Variants in USP49 observed in about 807,000 individuals in gnomAD.
USP49 encodes ubiquitin carboxyl-terminal hydrolase 49.
USP49 carries 24 observed loss-of-function variants against 58.6 expected under a neutral mutation model. The observed-to-expected ratio is 0.41, with a 90% CI of 0.30 to 0.58. USP49 has a LOEUF of 0.58. Ranked by LOEUF, USP49 falls within the 20% of genes least tolerant of loss-of-function variation. USP49 has a pLI of 0.30. For synonymous variants in USP49, 408 were observed against 365.1 expected (o/e 1.12, Z -1.34); for missense variants, 703 against 866.1 (o/e 0.81, Z 2.36).
At chr6:41,804,282 C>A (rs1205961949) in intron 4 of USP49, among the ~76,000 whole-genome samples, 1 of 152,186 alleles carries the variant, frequency 6.6e-6, no homozygotes, top group East Asian at 1.9e-4. Flanking sequence ...ATATGCTCTA[C>A]CATTCAATAG....
At chr6:41,811,928 ACTCT>A (rs1281125700) in intron 3 of USP49, among the ~76,000 whole-genome samples, 2 of 152,118 alleles carry the variant, frequency 1.3e-5, no homozygotes, top group Non-Finnish European at 2.9e-5. Flanking sequence ...CCTGTTTCTC[ACTCT>A]CACTAATTCA....
At chr6:41,799,773 T>C in intron 6 of USP49, 57 bp downstream of exon 6, 1 of 1,507,218 alleles carries the variant, frequency 6.6e-7, no homozygotes, top group Non-Finnish European at 9.2e-7. Flanking sequence ...CACCAAAGCC[T>C]TTGGAGCAGC....
At chr6:41,883,353 CA>C (rs35851122) in intron 2 of USP49, among the ~76,000 whole-genome samples, 1,549 of 49,088 alleles carry the variant, frequency 0.032, 12 homozygotes, top group East Asian at 0.11. Flanking sequence ...GACTCTGTCT[CA>C]AAAAAAAAAA....
chr6:41,854,127 G>A (rs1303313148), intron 3 of USP49, among the ~76,000 whole-genome samples: 1 of 151,318 alleles, frequency 6.6e-6, no homozygotes, highest in Non-Finnish European at 1.5e-5. Context: ...GACCAGCCTG[G>A]CCAACATGGT....
At chr6:41,871,886 G>GA (rs1169576676) in intron 2 of USP49, among the ~76,000 whole-genome samples, 1 of 152,026 alleles carries the variant, frequency 6.6e-6, no homozygotes, top group Non-Finnish European at 1.5e-5. Context: ...TTTACTTCCT[G>GA]AAAAAAAGCA....
intron 2 of USP49, among the ~76,000 whole-genome samples, chr6:41,877,933 A>T (rs1221536271): frequency 6.6e-6 from 1 of 151,814 alleles, no homozygotes; most frequent in Non-Finnish European, 1.5e-5. Flanking sequence ...CATTTATAAA[A>T]TTCTTTTTTT....
At chr6:41,801,055 C>T (rs1772988428) in intron 5 of USP49, among the ~76,000 whole-genome samples, 1 of 152,238 alleles carries the variant, frequency 6.6e-6, no homozygotes, top group South Asian at 2.1e-4. Context: ...CTTGGCCTCC[C>T]AAAGTGTTGG....
At chr6:41,844,977 T>G (rs2127348044) in intron 3 of USP49, among the ~76,000 whole-genome samples, 2 of 152,232 alleles carry the variant, frequency 1.3e-5, no homozygotes, top group South Asian at 4.1e-4. Flanking sequence ...CTCGGCTCAC[T>G]GCAACCTCTG....
rs765203176 is a variant in USP49, at chr6:41,791,489, C to G, written c.*5044G>C. ...ATAAAACTACTTAATCTACAACTTT[C>G]AAAAATTGATGAGTAATCACTAATT... On this transcript the variant is annotated 3_prime_UTR_variant, in exon 8 of 8. Transcript: ENST00000682992. The G allele has an allele frequency of 2.6e-5, 4 of 152,196 alleles. No homozygotes were observed. The highest frequency in any genetic ancestry group is 5.9e-5 in the Non-Finnish European group (4 of 68,042). The allele number at this position is 152,196 out of a possible 1,614,324, so 9.4% of individuals were successfully genotyped here.
Position 41,871,826 on chromosome 6 carries a change from A to C in USP49, c.-102-189T>G, listed in dbSNP as rs185809908. Among the ~76,000 whole-genome samples the C allele has an allele frequency of 1.7e-3, 255 of 152,364 alleles. 1 individual carries two copies. Among genetic ancestry groups the C allele is most frequent in the African/African-American group, 5.8e-3 (242 of 41,592 alleles). ...TTTCTTTTCAGCTAAGAGTAACCAAAGAGTCAGTCACTTATGGGTAGACTG... is the reference window on the plus strand; with the variant it reads ...TTTCTTTTCAGCTAAGAGTAACCAACGAGTCAGTCACTTATGGGTAGACTG... On this transcript the variant is annotated intron_variant, in intron 2 of 7. Transcript: ENST00000682992.
At chr6:41,814,975 A>C (rs965392044) in intron 3 of USP49, among the ~76,000 whole-genome samples, 16 of 152,176 alleles carry the variant, frequency 1.1e-4, no homozygotes, top group Non-Finnish European at 2.2e-4. Context: ...AGACTGCTTA[A>C]AGAGACACAG....
At position 41,874,525 on chromosome 6, in the gene USP49, T is replaced by C. The variant is rs116802565; in HGVS notation, c.-102-2888A>G. On this transcript the variant is annotated intron_variant, in intron 2 of 7. Transcript: ENST00000682992. ...AGAAATGCAGTTAAATGCTGTTACA[T>C]ATATTAACAAATTCAATCCTCACAA... Among the ~76,000 whole-genome samples, 730 of 152,296 alleles carry C rather than the reference T, an allele frequency of 4.8e-3. 5 individuals are homozygous for C. The highest frequency in any genetic ancestry group is 0.017 in the African/African-American group (686 of 41,562).
chr6:41,840,221 A>G (rs572891902), intron 3 of USP49, among the ~76,000 whole-genome samples: 1 of 151,936 alleles, frequency 6.6e-6, no homozygotes, highest in South Asian at 2.1e-4. Flanking sequence ...AAAAATACAA[A>G]AAATTAGCCG....
At chr6:41,865,894 T>C (rs1582029800) in intron 3 of USP49, among the ~76,000 whole-genome samples, 1 of 128,478 alleles carries the variant, frequency 7.8e-6, no homozygotes, top group Non-Finnish European at 1.6e-5. Flanking sequence ...TCCTCCCACC[T>C]CAGCCTTCCA....
chr6:41,839,437 G>C (rs1460751830), intron 3 of USP49, among the ~76,000 whole-genome samples: 1 of 42,248 alleles, frequency 2.4e-5, no homozygotes, highest in Admixed American at 2.4e-4. Context: ...AAAAAAAAAA[G>C]TCTGCAAGAG....
Position 41,805,901 on chromosome 6 carries a change from C to T in USP49, c.1083G>A (p.Leu361=). 6.2e-7 allele frequency: 1 copy of T among 1,614,020 alleles called. No homozygotes were observed. Among genetic ancestry groups the T allele is most frequent in the South Asian group, 1.1e-5 (1 of 91,084 alleles). The change falls in exon 4 of 8, where the codon CTG becomes CTA. Residue 361 remains leucine (L), a synonymous_variant. Coordinates refer to ENST00000682992, the MANE Select transcript of USP49 (RefSeq NM_001286554.2). ...ACCACATGACTCGGAAGAGGGTGTG[C>T]AGTTCACGGCAGAGGGAAATGTGCT... The part of the protein sequence containing the change: ...SSKHISLCRE[L]HTLFRVMWSG...
chr6:41,860,732 A>G (rs1774206022), intron 3 of USP49, among the ~76,000 whole-genome samples: 1 of 151,898 alleles, frequency 6.6e-6, no homozygotes, highest in African/African-American at 2.4e-5. Flanking sequence ...GGATGGTCTC[A>G]ATCTCCTCAC....
chr6:41,839,532 G>A lies in USP49; in HGVS notation c.-29+32032C>T, dbSNP rs533062292. The stretch of plus-strand genomic sequence containing the variant: ...AAACACAGCAGAAGAAAAGAGTAAC[G>A]AAGATCAGAACAGACCTAAAATAAA... On this transcript the variant is annotated intron_variant, in intron 3 of 7. Transcript: ENST00000682992. Among the ~76,000 whole-genome samples the A allele has an allele frequency of 6.2e-5, 9 of 145,706 alleles. No homozygotes were observed. The South Asian group carries it at 6.6e-4, about 11-fold the overall frequency.
chr6:41,817,797 G>A (rs915117378), intron 3 of USP49, among the ~76,000 whole-genome samples: 5 of 151,856 alleles, frequency 3.3e-5, no homozygotes, highest in African/African-American at 9.7e-5. Flanking sequence ...TGTATTTTTC[G>A]TAGAGACAGG....
Sources: gnomAD v4.1 joint callset for allele counts (sites outside exome capture counted in the v4.1 genomes callset) on GRCh38, gnomAD v4.1.1 for gene constraint, MANE v1.5 for transcripts, NCBI Gene and HGNC (gene_info 2026-07-23, HGNC 2026-07-21) for gene names.